The following TMEM164 variants were observed in gnomAD, a reference collection of about 807,000 sequenced individuals.
TMEM164 encodes the protein transmembrane protein 164.
A neutral mutation model predicts 18.8 loss-of-function variants in TMEM164; 4 were observed. The observed-to-expected ratio is 0.21, with a 90% CI of 0.10 to 0.49. The LOEUF is 0.49. Among genes scored for constraint, TMEM164 ranks in the 20% least tolerant of loss-of-function variants. The probability of loss-of-function intolerance (pLI) is 0.98; values close to 1 mark genes in which losing one functional copy is unlikely to be tolerated. For synonymous variants in TMEM164, 86 were observed against 101.7 expected (o/e 0.85, Z 0.93); for missense variants, 108 against 239.9 (o/e 0.45, Z 3.63).
At chrX:110,033,987 T>C (rs1468566761) in intron 2 of TMEM164, among the ~76,000 whole-genome samples, 1 of 110,532 alleles carries the variant, frequency 9.0e-6, no homozygotes, top group Non-Finnish European at 1.9e-5. Flanking sequence ...CCAACTTCTT[T>C]GGAGGGAAAA....
In TMEM164 at chrX:110,098,573, G is replaced by A. The variant is rs1341124353; in HGVS notation, c.441-10507G>A. ...TTTTACATTTACATTCCTACCAACA[G>A]TGTATGAAAATTCCGGTTTCTGCAC... On this transcript the variant is annotated intron_variant, in intron 3 of 6. Coordinates refer to ENST00000372068, the MANE Select transcript of TMEM164 (RefSeq NM_032227.4). Among the ~76,000 whole-genome samples the A allele has an allele frequency of 2.7e-5, 3 of 111,393 alleles. No homozygotes were observed. In the East Asian group the frequency reaches 8.4e-4, roughly 31 times the overall value.
intron 6 of TMEM164, 51 bp downstream of exon 6, chrX:110,171,571 A>G: frequency 2.0e-6 from 2 of 991,907 alleles, no homozygotes; most frequent in Non-Finnish European, 2.9e-6. Flanking sequence ...GTTCTCCATA[A>G]ATCTTGGTAA....
At chrX:110,179,298 C>A (rs906745488), downstream of TMEM164, among the ~76,000 whole-genome samples, 1 of 111,939 alleles carries the variant, frequency 8.9e-6, no homozygotes, top group African/African-American at 3.3e-5. Flanking sequence ...CATGTCCATC[C>A]CCACCCTAGT....
At chrX:110,171,599 G>A (rs1227910178) in intron 6 of TMEM164, 79 bp downstream of exon 6, 16 of 818,924 alleles carry the variant, frequency 2.0e-5, no homozygotes, top group South Asian at 4.1e-5. Flanking sequence ...TGGTGCTGAC[G>A]TATCACTTTG....
chrX:110,087,653 C>T (rs1477065680), intron 3 of TMEM164, among the ~76,000 whole-genome samples: 1 of 110,705 alleles, frequency 9.0e-6, no homozygotes, highest in African/African-American at 3.3e-5. Context: ...TGGCAGGAAA[C>T]TCTTCCCTCA....
At chrX:110,014,416 C>T (rs764447508) in intron 2 of TMEM164, among the ~76,000 whole-genome samples, 15 of 111,688 alleles carry the variant, frequency 1.3e-4, no homozygotes, top group African/African-American at 4.6e-4. Context: ...GGCTTAAGGA[C>T]GTGTTTGTGG....
chrX:110,019,493 A>G (rs1197742781), intron 2 of TMEM164, among the ~76,000 whole-genome samples: 1 of 111,304 alleles, frequency 9.0e-6, no homozygotes, highest in African/African-American at 3.3e-5. Flanking sequence ...CCTTTACTCT[A>G]TCTACTACTC....
At chrX:110,124,128 A>AAGGG (rs1203829279) in intron 4 of TMEM164, among the ~76,000 whole-genome samples, 2 of 49,673 alleles carry the variant, frequency 4.0e-5, no homozygotes, top group African/African-American at 1.5e-4. Flanking sequence ...AAATGGAAGG[A>AAGGG]AGGAAGGAAG....
intron 3 of TMEM164, among the ~76,000 whole-genome samples, chrX:110,078,937 C>A (rs1340577815): frequency 8.9e-6 from 1 of 112,177 alleles, no homozygotes; most frequent in Non-Finnish European, 1.9e-5. Context: ...AACTTCATTT[C>A]TCAACAGAAG....
chrX:110,073,348 C>A (rs1055925726), intron 3 of TMEM164, among the ~76,000 whole-genome samples: 3 of 111,754 alleles, frequency 2.7e-5, no homozygotes, highest in African/African-American at 9.7e-5. Flanking sequence ...TTTTAACTAT[C>A]TTTATGTCTA....
chrX:110,114,220 T>C (rs924569276), intron 4 of TMEM164, among the ~76,000 whole-genome samples: 2 of 111,811 alleles, frequency 1.8e-5, no homozygotes, highest in African/African-American at 6.5e-5. Flanking sequence ...AAACACACAA[T>C]TTTGCAGACA....
chrX:110,026,090 A>G (rs376955690), intron 2 of TMEM164, among the ~76,000 whole-genome samples: 3 of 112,757 alleles, frequency 2.7e-5, no homozygotes, highest in East Asian at 5.5e-4. Context: ...TTCAAAAAAT[A>G]TTAGTTACAG....
At chrX:110,060,732 T>C (rs1936085946) in intron 2 of TMEM164, among the ~76,000 whole-genome samples, 1 of 111,908 alleles carries the variant, frequency 8.9e-6, no homozygotes, top group Non-Finnish European at 1.9e-5. Flanking sequence ...CCTTAGTCTT[T>C]GCCTTTCACA....
rs34292132 is a variant in TMEM164 at position 110,052,745 on chromosome X, G to GTTTT, written c.391-14582_391-14579dup. ...AAAAGAACAGCATTTACATGCATCT[G>GTTTT]TTTTTTTTTTTTTTTTTTTTTTTGA... is the stretch of plus-strand genomic sequence containing the variant. On this transcript the variant is annotated intron_variant, in intron 2 of 6. Transcript: ENST00000372068. Among the ~76,000 whole-genome samples, 85 of 68,800 alleles carry GTTTT rather than the reference G, an allele frequency of 1.2e-3. 1 individual carries two copies. The highest frequency in any genetic ancestry group is 1.8e-3 in the African/African-American group (34 of 18,459). The allele number at this position is 68,800 out of a possible 115,157, so 59.7% of individuals were successfully genotyped here.
intron 3 of TMEM164, among the ~76,000 whole-genome samples, chrX:110,100,123 G>A (rs1194897499): frequency 3.6e-5 from 4 of 111,274 alleles, no homozygotes; most frequent in South Asian, 7.6e-4. Flanking sequence ...ATATAATCAC[G>A]TCCATTGCAA....
chrX:110,074,827 T>TGGTTAC (rs2065647787), intron 3 of TMEM164, among the ~76,000 whole-genome samples: 1 of 112,187 alleles, frequency 8.9e-6, no homozygotes, highest in African/African-American at 3.2e-5. Context: ...GTATCTGTTT[T>TGGTTAC]TGTACCACTA....
intron 2 of TMEM164, among the ~76,000 whole-genome samples, chrX:110,014,744 C>CTTTTTTTTTTTTTTTTTTTTTTTAT (rs1933229388): frequency 3.7e-5 from 2 of 54,235 alleles, no homozygotes; most frequent in African/African-American, 7.5e-5. Flanking sequence ...TTGGTTGTTT[C>CTTTTTTTTTTTTTTTTTTTTTTTAT]TTTTTTTTTT....
intron 3 of TMEM164, among the ~76,000 whole-genome samples, chrX:110,084,899 C>T (rs184667715): frequency 5.5e-4 from 61 of 110,264 alleles, no homozygotes; most frequent in Middle Eastern, 4.7e-3. Flanking sequence ...ATTTTTGTTA[C>T]AATGTTAATT....
At chrX:110,163,009 C>T (rs995111961) in intron 5 of TMEM164, among the ~76,000 whole-genome samples, 1 of 112,575 alleles carries the variant, frequency 8.9e-6, no homozygotes, top group Non-Finnish European at 1.9e-5. Flanking sequence ...GTCAGATCAT[C>T]CCTGACTTCG....
Sources: allele counts gnomAD v4.1 joint callset (sites outside exome capture counted in the v4.1 genomes callset), GRCh38; gene constraint gnomAD v4.1.1; transcripts MANE v1.5; gene names NCBI Gene and HGNC (gene_info 2026-07-23, HGNC 2026-07-21).